The following PCDHA10 variants were observed in gnomAD, a reference collection of about 807,000 sequenced individuals.
The protein encoded by PCDHA10 is protocadherin alpha-10.
A neutral mutation model predicts 61.2 loss-of-function variants in PCDHA10; 45 were observed. The ratio of observed to expected loss-of-function variants is 0.74; its 90% confidence interval spans 0.58 to 0.94. The LOEUF (loss-of-function observed/expected upper bound fraction) is 0.94. Among genes scored for constraint, PCDHA10 ranks in the 40% least tolerant of loss-of-function variants. The pLI is 0.00. For synonymous variants in PCDHA10, 602 were observed against 548.8 expected (o/e 1.10, Z -1.35); for missense variants, 1,278 against 1,236.2 (o/e 1.03, Z -0.51).
At chr5:140,877,924 A>T in intron 1 of PCDHA10, 1 of 1,419,290 alleles carries the variant, frequency 7.0e-7, no homozygotes, top group Non-Finnish European at 9.3e-7. Flanking sequence ...ATTTTTCTTT[A>T]TGATTCTATC....
At chr5:140,946,546 A>G (rs1418590491) in intron 1 of PCDHA10, among the ~76,000 whole-genome samples, 5 of 150,480 alleles carry the variant, frequency 3.3e-5, no homozygotes, top group Admixed American at 1.3e-4. Flanking sequence ...AGCATTATTC[A>G]TGATAGTTCA....
chr5:140,984,091 T>G (rs1357477287), intron 3 of PCDHA10, among the ~76,000 whole-genome samples: 1 of 152,204 alleles, frequency 6.6e-6, no homozygotes. Context: ...GAAGAAATGA[T>G]GGAGGAGGAA....
At position 140,856,221 on chromosome 5, in the gene PCDHA10, T is replaced by C. The variant is rs2043861898; in HGVS notation, c.173T>C (p.Leu58Pro). 3 of 1,597,980 alleles carry C rather than the reference T, an allele frequency of 1.9e-6. No individual in the cohort carries two copies. The highest frequency in any genetic ancestry group is 2.6e-6 in the Non-Finnish European group (3 of 1,167,834). ...AQDLGLELAE[L>P]VQRLFRVASK... Reference sequence around the variant, plus strand: ...GACCTGGGGCTGGAGCTGGCGGAGCTGGTGCAGCGCCTGTTCCGGGTGGCG... The same window carrying C: ...GACCTGGGGCTGGAGCTGGCGGAGCCGGTGCAGCGCCTGTTCCGGGTGGCG... Residue 58 changes from leucine to proline, a missense_variant, in exon 1 of 4, where the codon CTG (leucine) becomes CCG (proline). Leu to Pro is a moderately conservative substitution (Grantham distance 98). Coordinates refer to ENST00000307360, the MANE Select transcript of PCDHA10 (RefSeq NM_018901.4).
Position 140,857,728 on chromosome 5 carries a change from C to G in PCDHA10, c.1680C>G (p.Asn560Lys). Residue 560 changes from asparagine (N) to lysine (K), a missense_variant, in exon 1 of 4, where the codon AAC becomes AAG. By Grantham distance (94) the Asn-to-Lys change is moderately conservative. Coordinates refer to ENST00000307360, the MANE Select transcript of PCDHA10 (RefSeq NM_018901.4). ...TGTTCGTGCTGGACGAGAACGACAA[C>G]GCTCCCGCGCTGCTGGCGTCTCCCG... ...LQVFVLDEND[N>K]APALLASPAG... 1 of 1,597,418 alleles carries G rather than the reference C, an allele frequency of 6.3e-7. No individual in the cohort carries two copies. Among genetic ancestry groups the G allele is most frequent in the Non-Finnish European group, 8.6e-7 (1 of 1,167,710 alleles).
In PCDHA10 at chr5:141,010,283, C is replaced by T. The variant is rs1554262872; in HGVS notation, c.*346C>T. ...TGCTCCGGGGATCCTGTCTTGATGACACTTGCAGGGCAGGCTGAAAAGTTT... is the reference window on the plus strand; with the variant it reads ...TGCTCCGGGGATCCTGTCTTGATGATACTTGCAGGGCAGGCTGAAAAGTTT... On this transcript the variant is annotated 3_prime_UTR_variant, in exon 4 of 4. Transcript: ENST00000307360. 6.4e-7 allele frequency: 1 copy of T among 1,551,220 alleles called. No individual in the cohort carries two copies. The highest frequency in any genetic ancestry group is 1.4e-5 in the African/African-American group (1 of 73,110).
chr5:140,933,332 G>A (rs2089060279), intron 1 of PCDHA10, among the ~76,000 whole-genome samples: 1 of 151,968 alleles, frequency 6.6e-6, no homozygotes, highest in African/African-American at 2.4e-5. Context: ...CTGTGCTGTA[G>A]AGAAAGATAA....
intron 2 of PCDHA10, among the ~76,000 whole-genome samples, chr5:140,979,467 ATTG>A (rs1219222898): frequency 6.6e-6 from 1 of 151,680 alleles, no homozygotes; most frequent in Non-Finnish European, 1.5e-5. Context: ...ATTGATTGCT[ATTG>A]TTGTTTGTGT....
intron 1 of PCDHA10, among the ~76,000 whole-genome samples, chr5:140,936,021 T>TA (rs2090725097): frequency 1.3e-5 from 2 of 151,374 alleles, no homozygotes; most frequent in African/African-American, 4.9e-5. Flanking sequence ...GCCTCCCGAG[T>TA]AGCGGGGATT....
chr5:141,010,285 C>G lies in PCDHA10; in HGVS notation c.*348C>G, dbSNP rs1214485732. ...CTCCGGGGATCCTGTCTTGATGACA[C>G]TTGCAGGGCAGGCTGAAAAGTTTTG... On this transcript the variant is annotated 3_prime_UTR_variant, in exon 4 of 4. Transcript: ENST00000307360. 1.3e-6 allele frequency: 2 copies of G among 1,550,576 alleles called. No individual in the cohort carries two copies. Among genetic ancestry groups the G allele is most frequent in the Non-Finnish European group, 1.7e-6 (2 of 1,146,690 alleles).
Position 140,968,523 on chromosome 5 carries a change from A to T in PCDHA10, c.2389-10426A>T, listed in dbSNP as rs1441549667. ...CACATTCTGTACCCTACCTCAACCA[A>T]CTCGTCAGCAGCCTTCGAGATGGTG... On this transcript the variant is annotated intron_variant, in intron 1 of 3. Coordinates refer to ENST00000307360, the MANE Select transcript of PCDHA10 (RefSeq NM_018901.4). The T allele has an allele frequency of 1.3e-5, 21 of 1,613,762 alleles. No individual in the cohort carries two copies. Among genetic ancestry groups the T allele is most frequent in the Non-Finnish European group, 1.8e-5 (21 of 1,179,980 alleles).
intron 3 of PCDHA10, among the ~76,000 whole-genome samples, chr5:141,009,289 T>C (rs1474871800): frequency 1.4e-4 from 22 of 152,136 alleles, no homozygotes; most frequent in African/African-American, 5.1e-4. Context: ...ATCCCATTTC[T>C]ATAAAATTTT....
chr5:140,942,817 T>C (rs1479369594), intron 1 of PCDHA10, among the ~76,000 whole-genome samples: 2 of 152,160 alleles, frequency 1.3e-5, no homozygotes, highest in African/African-American at 4.8e-5. Context: ...ACTAGTTGGA[T>C]TTGGCCCTGT....
chr5:140,861,492 C>T (rs367687867), intron 1 of PCDHA10: 11 of 487,014 alleles, frequency 2.3e-5, no homozygotes, highest in Middle Eastern at 7.2e-4. Flanking sequence ...TGTGAGTTCT[C>T]TGATAGACCT....
intron 1 of PCDHA10, among the ~76,000 whole-genome samples, chr5:140,909,844 C>T (rs572833280): frequency 7.9e-5 from 12 of 152,276 alleles, no homozygotes; most frequent in African/African-American, 2.4e-4. Context: ...ACCACCAGGA[C>T]GTTTTCGGTC....
In PCDHA10 at chr5:140,877,128, G is replaced by T. The variant is rs782052511; in HGVS notation, c.2388+18692G>T. On this transcript the variant is annotated intron_variant, in intron 1 of 3. Coordinates refer to ENST00000307360, the MANE Select transcript of PCDHA10 (RefSeq NM_018901.4). ...CTCTGGGCAGCAACGTGACGCTGCA[G>T]GTGTTCGTGCTGGACGAGAACGACA... is the stretch of plus-strand genomic sequence containing the variant. 3.1e-6 allele frequency: 5 copies of T among 1,613,644 alleles called. No homozygotes were observed. The African/African-American group carries it at 5.3e-5, about 17-fold the overall frequency.
chr5:140,882,816 A>C, intron 1 of PCDHA10: 3 of 1,614,266 alleles, frequency 1.9e-6, no homozygotes, highest in Non-Finnish European at 2.5e-6. Flanking sequence ...TTGGACGCAC[A>C]AAACAGTCTT....
At chr5:140,958,145 A>G (rs1044763099) in intron 1 of PCDHA10, among the ~76,000 whole-genome samples, 4 of 152,156 alleles carry the variant, frequency 2.6e-5, no homozygotes, top group African/African-American at 4.8e-5. Context: ...GTATATTTAT[A>G]TAGCATAGTC....
intron 1 of PCDHA10, chr5:140,928,108 G>C: frequency 6.2e-7 from 1 of 1,614,190 alleles, no homozygotes; most frequent in Non-Finnish European, 8.5e-7. Flanking sequence ...CCTGGACCGG[G>C]AGCAGATCAG....
intron 1 of PCDHA10, chr5:140,871,407 C>G: frequency 6.2e-7 from 1 of 1,614,070 alleles, no homozygotes; most frequent in Non-Finnish European, 8.5e-7. Context: ...AGACGGACCT[C>G]ATGGCCTTCA....
Sources: allele counts gnomAD v4.1 joint callset (sites outside exome capture counted in the v4.1 genomes callset), GRCh38; gene constraint gnomAD v4.1.1; transcripts MANE v1.5; gene names NCBI Gene and HGNC (gene_info 2026-07-23, HGNC 2026-07-21).